Variants in GABBR2 observed in about 807,000 individuals in gnomAD.
GABBR2 encodes the protein G-protein coupled receptor 51.
In GABBR2, 23 loss-of-function variants were observed where a neutral mutation model predicts 105.6. The ratio of observed to expected loss-of-function variants is 0.22; its 90% CI spans 0.16 to 0.31. GABBR2 has a LOEUF of 0.31. Among genes scored for constraint, GABBR2 ranks in the 10% least tolerant of loss-of-function variants. The pLI is 1.00. For synonymous variants in GABBR2, 478 were observed against 499.7 expected, an observed-to-expected ratio of 0.96 and a Z score of 0.58; for missense variants, 734 against 1,245.5, an observed-to-expected ratio of 0.59 and a Z score of 6.18.
intron 11 of GABBR2, among the ~76,000 whole-genome samples, chr9:98,380,509 C>T (rs1043934740): frequency 6.6e-6 from 1 of 152,224 alleles, no homozygotes; most frequent in Admixed American, 6.5e-5. Flanking sequence ...CTGCCGGGGT[C>T]CATCCCTTCC....
At chr9:98,390,207 T>C (rs1246912109) in intron 9 of GABBR2, among the ~76,000 whole-genome samples, 1 of 151,896 alleles carries the variant, frequency 6.6e-6, no homozygotes, top group Non-Finnish European at 1.5e-5. Flanking sequence ...AAACCCCGTC[T>C]CTACCGAAAA....
At chr9:98,462,393 C>T (rs138604963) in intron 6 of GABBR2, among the ~76,000 whole-genome samples, 4 of 152,134 alleles carry the variant, frequency 2.6e-5, no homozygotes, top group Non-Finnish European at 2.9e-5. Context: ...ATAAATAATA[C>T]ATATAACTGT....
At position 98,636,407 on chromosome 9, in the gene GABBR2, C is replaced by T. The variant is rs573666035; in HGVS notation, c.322-58335G>A. On this transcript the variant is annotated intron_variant, in intron 1 of 18. Coordinates refer to ENST00000259455, the MANE Select transcript of GABBR2 (RefSeq NM_005458.8). ...GTGTCTCAGATGAAACTGAATCATG[C>T]CCTTGGAGACAGGTCATTTCTTCAC... 3.3e-5 allele frequency among the ~76,000 whole-genome samples: 5 copies of T among 151,998 alleles called. No individual in the cohort carries two copies. In the South Asian group the frequency reaches 8.3e-4, roughly 25 times the overall value.
At chr9:98,459,332 A>C (rs1242144207) in intron 6 of GABBR2, among the ~76,000 whole-genome samples, 1 of 152,236 alleles carries the variant, frequency 6.6e-6, no homozygotes, top group Non-Finnish European at 1.5e-5. Flanking sequence ...TAGGACTGAG[A>C]ATCCATCATT....
At chr9:98,483,716 C>T (rs1430999650) in intron 4 of GABBR2, among the ~76,000 whole-genome samples, 2 of 152,124 alleles carry the variant, frequency 1.3e-5, no homozygotes, top group Admixed American at 1.3e-4. Flanking sequence ...TTACTTTGCC[C>T]GCACAGCTGC....
At chr9:98,405,969 CTTTT>C in intron 8 of GABBR2, 108 bp downstream of exon 8, 4 of 711,070 alleles carry the variant, frequency 5.6e-6, no homozygotes, top group Non-Finnish European at 9.9e-6. Flanking sequence ...GCTCTGCTTT[CTTTT>C]ATCTGGAACA....
intron 6 of GABBR2, among the ~76,000 whole-genome samples, chr9:98,467,862 G>C (rs1439748789): frequency 6.6e-6 from 1 of 152,256 alleles, no homozygotes; most frequent in East Asian, 1.9e-4. Flanking sequence ...AACAGGAGAA[G>C]AATGTCCCTA....
intron 7 of GABBR2, among the ~76,000 whole-genome samples, chr9:98,447,720 T>C (rs1376550397): frequency 6.6e-6 from 1 of 152,106 alleles, no homozygotes; most frequent in East Asian, 1.9e-4. Flanking sequence ...TTTCTCTGGC[T>C]ACCTAGTTTG....
chr9:98,466,294 A>ATC (rs1456916655), intron 6 of GABBR2, among the ~76,000 whole-genome samples: 2 of 152,260 alleles, frequency 1.3e-5, no homozygotes, highest in African/African-American at 4.8e-5. Context: ...AAAAGCAGGC[A>ATC]TCTGAATGGC....
At chr9:98,685,165 CA>C (rs1229169831) in intron 1 of GABBR2, among the ~76,000 whole-genome samples, 9 of 152,224 alleles carry the variant, frequency 5.9e-5, no homozygotes, top group African/African-American at 2.2e-4. Context: ...TTCTGGCCTC[CA>C]TCTGTCTCCC....
chr9:98,500,123 T>C (rs1273337900), intron 3 of GABBR2, among the ~76,000 whole-genome samples: 1 of 152,244 alleles, frequency 6.6e-6, no homozygotes, highest in Non-Finnish European at 1.5e-5. Flanking sequence ...ATTAACTACA[T>C]TTCTGCAAAA....
chr9:98,564,504 A>G (rs1411080306), intron 2 of GABBR2, among the ~76,000 whole-genome samples: 2 of 152,236 alleles, frequency 1.3e-5, no homozygotes, highest in Non-Finnish European at 2.9e-5. Context: ...ATCCTTTGGC[A>G]AGGCACTCAA....
At chr9:98,336,973 G>A (rs1350740593) in intron 13 of GABBR2, among the ~76,000 whole-genome samples, 1 of 152,138 alleles carries the variant, frequency 6.6e-6, no homozygotes, top group Non-Finnish European at 1.5e-5. Flanking sequence ...CTCTCTATTT[G>A]CAAATTATAT....
intron 1 of GABBR2, among the ~76,000 whole-genome samples, chr9:98,599,980 CGA>C (rs1249813833): frequency 3.9e-5 from 6 of 152,050 alleles, no homozygotes; most frequent in African/African-American, 1.4e-4. Flanking sequence ...AGTGGGAATG[CGA>C]AGAGTCAATT....
intron 4 of GABBR2, among the ~76,000 whole-genome samples, chr9:98,481,570 T>C (rs2779548): frequency 0.56 from 85,277 of 151,886 alleles, 24,506 homozygotes; most frequent in East Asian, 0.9. Flanking sequence ...GTTTCAGACT[T>C]GCTTTGAGCT....
At chr9:98,427,462 C>CA (rs1825718008) in intron 7 of GABBR2, among the ~76,000 whole-genome samples, 1 of 152,200 alleles carries the variant, frequency 6.6e-6, no homozygotes, top group South Asian at 2.1e-4. Context: ...CTCAGCAACC[C>CA]ATCCCCCTTT....
intron 3 of GABBR2, among the ~76,000 whole-genome samples, chr9:98,540,150 T>C (rs1231987754): frequency 6.6e-6 from 1 of 152,138 alleles, no homozygotes; most frequent in Non-Finnish European, 1.5e-5. Context: ...GTTCCCTTTG[T>C]GCCTCCTCCT....
intron 12 of GABBR2, among the ~76,000 whole-genome samples, chr9:98,367,160 A>G (rs1831691883): frequency 7.1e-6 from 1 of 140,426 alleles, no homozygotes; most frequent in Non-Finnish European, 1.5e-5. Flanking sequence ...TTGTGTATGT[A>G]TGTTTGGGGA....
In GABBR2 at chr9:98,318,099, A is replaced by G. The variant is rs151123558; in HGVS notation, c.1894-6894T>C. ...ACATCAGCATATTTGAGGAACCCTC[A>G]TGTGGCCAGAGAGGCTGAAGTGTGA... On this transcript the variant is annotated intron_variant, in intron 13 of 18. Coordinates refer to ENST00000259455, the MANE Select transcript of GABBR2 (RefSeq NM_005458.8). 2.4e-3 allele frequency among the ~76,000 whole-genome samples: 361 copies of G among 152,362 alleles called. 1 individual carries two copies. The highest frequency in any genetic ancestry group is 8.2e-3 in the African/African-American group (343 of 41,586).
Sources: allele counts gnomAD v4.1 joint callset (sites outside exome capture counted in the v4.1 genomes callset), GRCh38; gene constraint gnomAD v4.1.1; transcripts MANE v1.5; gene names NCBI Gene and HGNC (gene_info 2026-07-23, HGNC 2026-07-21).